ST6GALNAC1: variants seen among roughly 807,000 people sequenced by gnomAD.
ST6GALNAC1 encodes alpha-N-acetylgalactosaminide alpha-2,6-sialyltransferase 1.
In ST6GALNAC1, 45 loss-of-function variants were observed where a neutral mutation model predicts 56.8. The ratio of observed to expected loss-of-function variants is 0.79; its 90% confidence interval spans 0.62 to 1.02. ST6GALNAC1 has a LOEUF of 1.02. Among genes scored for constraint, ST6GALNAC1 ranks in the 50% least tolerant of loss-of-function variants. The pLI, the probability that ST6GALNAC1 is intolerant of heterozygous loss-of-function variation, is 0.00. For synonymous variants in ST6GALNAC1, 295 were observed against 297.8 expected (o/e 0.99, Z 0.10); for missense variants, 743 against 754.8 (o/e 0.98, Z 0.18).
In ST6GALNAC1 at chr17:76,627,157, C is replaced by T. The variant is rs140685235; in HGVS notation, c.1082G>A (p.Arg361Gln). ...GCCCACCACGGCACAGGTGATGCAC[C>T]GGAGGCTCCCAGCGGGGAGGCTGGC... ...LLASLPAGSL[R>Q]CITCAVVGNG... Residue 361 changes from arginine (R) to glutamine (Q), a missense_variant, in exon 4 of 9, where the codon CGG (arginine) becomes CAG (glutamine). Coordinates refer to ENST00000156626, the MANE Select transcript of ST6GALNAC1 (RefSeq NM_018414.5). This position sits in a 1 kb window ranked among gnomAD's most constrained non-coding sequence, Gnocchi z 4.4. 9.3e-6 allele frequency: 15 copies of T among 1,605,052 alleles called. No individual in the cohort carries two copies. In the Admixed American group the frequency reaches 1.0e-4, roughly 11 times the overall value.
chr17:76,635,601 C>T (rs1317279322), intron 1 of ST6GALNAC1, among the ~76,000 whole-genome samples: 2 of 152,212 alleles, frequency 1.3e-5, no homozygotes, highest in Admixed American at 1.3e-4. Context: ...CGCATCACTG[C>T]ACTCCAGTCT....
intron 1 of ST6GALNAC1, among the ~76,000 whole-genome samples, chr17:76,631,065 CTGTGTGTGTGTGTGTG>C (rs34663902): frequency 1.4e-5 from 2 of 146,804 alleles, no homozygotes; most frequent in Non-Finnish European, 3.0e-5. Flanking sequence ...CAGCTAATCT[CTGTGTGTGTGTGTGTG>C]TGTGTGTGTG....
downstream of ST6GALNAC1, among the ~76,000 whole-genome samples, chr17:76,621,107 A>C (rs1188361504): frequency 1.3e-5 from 2 of 151,166 alleles, no homozygotes; most frequent in African/African-American, 4.9e-5. Context: ...AACTGTTCAG[A>C]TTTGTCCAAA....
chr17:76,635,159 G>C (rs537580822), intron 1 of ST6GALNAC1, among the ~76,000 whole-genome samples: 44 of 152,224 alleles, frequency 2.9e-4, no homozygotes, highest in African/African-American at 1.0e-3. Context: ...AATCTTAGTG[G>C]GGAGATTCTA....
chr17:76,617,761 ACT>A, the ST6GALNAC1 span, among the ~76,000 whole-genome samples: 3 of 150,168 alleles, frequency 2.0e-5, no homozygotes, highest in Non-Finnish European at 3.0e-5. Flanking sequence ...ACAGAGCAAG[ACT>A]CTGTCTCAAA....
chr17:76,622,721 G>A (rs574858748), downstream of ST6GALNAC1, among the ~76,000 whole-genome samples: 1 of 151,804 alleles, frequency 6.6e-6, no homozygotes, highest in Non-Finnish European at 1.5e-5. Context: ...TGGATTGTGA[G>A]TCCTAGTTAG....
intron 1 of ST6GALNAC1, among the ~76,000 whole-genome samples, chr17:76,642,282 G>A (rs1320051766): frequency 6.9e-6 from 1 of 145,830 alleles, no homozygotes. Context: ...AAGGTAATGA[G>A]CACAGGGTAT....
chr17:76,632,798 C>T lies in ST6GALNAC1; in HGVS notation c.132-3087G>A, dbSNP rs1260490097. On this transcript the variant is annotated intron_variant, in intron 1 of 8. Transcript: ENST00000156626. ...GAAGGCTTTCTTCTATTAATGACTT[C>T]TAGTCCAGAGGCACAGGCAAATTAA... 2.6e-5 allele frequency among the ~76,000 whole-genome samples: 4 copies of T among 152,250 alleles called. No homozygotes were observed. In the East Asian group the frequency reaches 5.8e-4, roughly 22 times the overall value.
chr17:76,640,496 A>G (rs2076036352), intron 1 of ST6GALNAC1, among the ~76,000 whole-genome samples: 1 of 151,912 alleles, frequency 6.6e-6, no homozygotes, highest in Non-Finnish European at 1.5e-5. Flanking sequence ...CCCCAGGAGG[A>G]CTCTAACCCT....
intron 1 of ST6GALNAC1, among the ~76,000 whole-genome samples, chr17:76,631,061 A>ATC (rs202243154): frequency 1.3e-5 from 1 of 77,986 alleles, no homozygotes; most frequent in South Asian, 4.0e-4. Flanking sequence ...TGCCCAGCTA[A>ATC]TCTCTGTGTG....
At chr17:76,638,743 C>T (rs896505231) in intron 1 of ST6GALNAC1, among the ~76,000 whole-genome samples, 1 of 152,032 alleles carries the variant, frequency 6.6e-6, no homozygotes, top group Non-Finnish European at 1.5e-5. Flanking sequence ...CCATGCCCGG[C>T]TAATTTTTGT....
downstream of ST6GALNAC1, among the ~76,000 whole-genome samples, chr17:76,624,193 C>T (rs2075767300): frequency 6.6e-6 from 1 of 152,170 alleles, no homozygotes. Context: ...CTTCCACTCT[C>T]CTACCGAGGG....
At chr17:76,625,554 G>A (rs1290330563) in intron 8 of ST6GALNAC1, 27 bp from the exon 9 acceptor site, 2 of 1,609,642 alleles carry the variant, frequency 1.2e-6, no homozygotes, top group South Asian at 2.2e-5. Context: ...GGAGAAACAC[G>A]GCCTGTAGTT....
chr17:76,636,165 G>A (rs928773788), intron 1 of ST6GALNAC1, among the ~76,000 whole-genome samples: 3 of 152,112 alleles, frequency 2.0e-5, no homozygotes, highest in South Asian at 2.1e-4. Flanking sequence ...ATGAACAGCC[G>A]CATCCCTTTT....
Position 76,626,728 on chromosome 17 carries a change from C to A in ST6GALNAC1, c.1234G>T (p.Gly412Cys). The A allele has an allele frequency of 3.1e-6, 5 of 1,614,152 alleles. No individual in the cohort carries two copies. Among genetic ancestry groups the A allele is most frequent in the Non-Finnish European group, 4.2e-6 (5 of 1,180,014 alleles). ...QDVGTRTSFY[G>C]FTAFSLTQSL... ...TGGGTCAGGGAGAAGGCGGTAAAGCCGTAGAAGGATGTCCGAGTCCCCACA... is the reference window on the plus strand; with the variant it reads ...TGGGTCAGGGAGAAGGCGGTAAAGCAGTAGAAGGATGTCCGAGTCCCCACA... Residue 412 changes from glycine (G) to cysteine (C), a missense_variant, in exon 5 of 9, where the codon GGC becomes TGC. Coordinates refer to ENST00000156626, the MANE Select transcript of ST6GALNAC1 (RefSeq NM_018414.5).
At chr17:76,620,130 CCTCGGGTT>C (rs1387789628), downstream of ST6GALNAC1, among the ~76,000 whole-genome samples, 1 of 151,712 alleles carries the variant, frequency 6.6e-6, no homozygotes. Flanking sequence ...AACCTCTGCC[CCTCGGGTT>C]CAAGCAATTC....
downstream of ST6GALNAC1, among the ~76,000 whole-genome samples, chr17:76,622,377 TTA>T (rs1318858636): frequency 8.3e-3 from 1,261 of 152,074 alleles, 25 homozygotes; most frequent in African/African-American, 0.029. Flanking sequence ...ATTATTATTA[TTA>T]TTTTGAGACA....
At chr17:76,641,895 C>T (rs1052245023) in intron 1 of ST6GALNAC1, 2 of 151,854 alleles carry the variant, frequency 1.3e-5, no homozygotes, top group Non-Finnish European at 2.9e-5. Flanking sequence ...GTGTGACTTA[C>T]AAGGTCAACC....
Position 76,643,564 on chromosome 17 carries a change from G to T in ST6GALNAC1, c.75C>A (p.Val25=). The change falls in exon 1 of 9, where the codon GTC becomes GTA. Residue 25 remains valine (V), a synonymous_variant. Coordinates refer to ENST00000156626, the MANE Select transcript of ST6GALNAC1 (RefSeq NM_018414.5). The stretch of plus-strand genomic sequence containing the variant: ...AAGAGGGCAAGGCGAAGAGAAAGAA[G>T]ACCAGGACAGCCAGAAGCAAGGACC... ...VQWSLLLAVL[V]FFLFALPSFI... 1 of 1,614,150 alleles carries T rather than the reference G, an allele frequency of 6.2e-7. No individual in the cohort carries two copies. The highest frequency in any genetic ancestry group is 1.1e-5 in the South Asian group (1 of 91,066).
Sources: allele counts gnomAD v4.1 joint callset (sites outside exome capture counted in the v4.1 genomes callset), GRCh38; gene constraint gnomAD v4.1.1; non-coding constraint Gnocchi (gnomAD v3.1); transcripts MANE v1.5; gene names NCBI Gene and HGNC (gene_info 2026-07-23, HGNC 2026-07-21).